Variants in PRKG1 observed in about 807,000 individuals in gnomAD.
The protein encoded by PRKG1 is protein kinase cGMP-dependent 1.
Under a neutral mutation model 88.1 loss-of-function variants are expected in PRKG1, and 35 were observed. That is an observed-to-expected ratio of 0.40 (90% CI 0.30 to 0.53). PRKG1 has a LOEUF of 0.53. Among genes scored for constraint, PRKG1 ranks in the 20% least tolerant of loss-of-function variants. The pLI is 0.59. For missense variants in PRKG1, 540 were observed against 839.8 expected (o/e 0.64, Z 4.41); for synonymous variants, 303 against 292.5 (o/e 1.04, Z -0.37).
intron 2 of PRKG1, among the ~76,000 whole-genome samples, chr10:51,325,099 G>A (rs1301495753): frequency 1.3e-5 from 2 of 152,048 alleles, no homozygotes; most frequent in Non-Finnish European, 2.9e-5. Context: ...TCTGTTTGTG[G>A]TTTTAATTTG....
At chr10:51,966,193 T>TA (rs1843563103) in intron 5 of PRKG1, among the ~76,000 whole-genome samples, 1 of 152,176 alleles carries the variant, frequency 6.6e-6, no homozygotes, top group Admixed American at 6.6e-5. Flanking sequence ...CATAAGCTGA[T>TA]TAGCAAATAC....
chr10:51,152,568 T>A (rs1846099935), intron 1 of PRKG1, among the ~76,000 whole-genome samples: 1 of 152,084 alleles, frequency 6.6e-6, no homozygotes, highest in Non-Finnish European at 1.5e-5. Context: ...GGTATTTTTT[T>A]AAATACTATT....
chr10:52,232,710 A>G (rs1449112486), intron 9 of PRKG1, among the ~76,000 whole-genome samples: 1 of 152,152 alleles, frequency 6.6e-6, no homozygotes, highest in African/African-American at 2.4e-5. Flanking sequence ...GCTTCTGTTC[A>G]GGAGGGACAA....
chr10:52,169,229 G>A (rs1310256267), intron 9 of PRKG1, among the ~76,000 whole-genome samples: 1 of 152,178 alleles, frequency 6.6e-6, no homozygotes, highest in Non-Finnish European at 1.5e-5. Context: ...GTTTTAGTTT[G>A]TTCAGGCTGC....
At chr10:51,031,728 G>T (rs1020185189) in intron 1 of PRKG1, among the ~76,000 whole-genome samples, 1 of 152,168 alleles carries the variant, frequency 6.6e-6, no homozygotes, top group Non-Finnish European at 1.5e-5. Flanking sequence ...CCAGTATGTG[G>T]TCAAAATGCA....
intron 1 of PRKG1, among the ~76,000 whole-genome samples, chr10:51,025,966 C>T (rs755034959): frequency 6.6e-6 from 1 of 152,032 alleles, no homozygotes; most frequent in Non-Finnish European, 1.5e-5. Flanking sequence ...GTAGGATGGG[C>T]CCCTAATCTA....
intron 10 of PRKG1, among the ~76,000 whole-genome samples, chr10:52,262,265 TTTTG>T (rs1260671750): frequency 6.6e-6 from 1 of 152,032 alleles, no homozygotes; most frequent in Non-Finnish European, 1.5e-5. Flanking sequence ...AGCTGGTTTT[TTTTG>T]TTTGTTTGTT....
At chr10:51,853,823 C>G (rs1840616063) in intron 4 of PRKG1, among the ~76,000 whole-genome samples, 1 of 152,146 alleles carries the variant, frequency 6.6e-6, no homozygotes, top group Non-Finnish European at 1.5e-5. Context: ...GTACTAAACA[C>G]TTTTCCACAG....
chr10:51,066,376 A>G (rs1426292211), intron 1 of PRKG1, among the ~76,000 whole-genome samples: 1 of 152,024 alleles, frequency 6.6e-6, no homozygotes, highest in African/African-American at 2.4e-5. Flanking sequence ...GTTTTCTGTC[A>G]TGTCATTGGC....
intron 4 of PRKG1, among the ~76,000 whole-genome samples, chr10:51,830,205 A>AAC (rs1252158839): frequency 1.3e-5 from 2 of 152,144 alleles, no homozygotes; most frequent in Admixed American, 6.6e-5. Flanking sequence ...TCCACCATAT[A>AAC]ACAGCTCTTC....
intron 2 of PRKG1, among the ~76,000 whole-genome samples, chr10:51,161,402 G>A (rs1017466091): frequency 7.2e-5 from 11 of 152,084 alleles, no homozygotes; most frequent in African/African-American, 1.9e-4. Flanking sequence ...TGGTTAATAC[G>A]TCCTTGTGAA....
At chr10:51,477,894 T>C (rs1035666972) in intron 3 of PRKG1, among the ~76,000 whole-genome samples, 1 of 152,068 alleles carries the variant, frequency 6.6e-6, no homozygotes, top group East Asian at 1.9e-4. Context: ...TTGGTTCATA[T>C]GCATGCTTTG....
At chr10:52,063,319 G>T (rs756614103) in intron 7 of PRKG1, among the ~76,000 whole-genome samples, 2 of 152,186 alleles carry the variant, frequency 1.3e-5, no homozygotes, top group Non-Finnish European at 2.9e-5. Flanking sequence ...GGCTGCGGCC[G>T]AACCAGGCAC....
intron 5 of PRKG1, among the ~76,000 whole-genome samples, chr10:51,970,223 T>C (rs1219922384): frequency 6.6e-6 from 1 of 151,982 alleles, no homozygotes; most frequent in Non-Finnish European, 1.5e-5. Context: ...TATAATGCTT[T>C]TCAATTTTGA....
chr10:51,268,213 G>T (rs1054103364), intron 2 of PRKG1, among the ~76,000 whole-genome samples: 4 of 152,252 alleles, frequency 2.6e-5, no homozygotes, highest in Admixed American at 6.5e-5. Flanking sequence ...GAGATCACAG[G>T]ACCACAGGAC....
chr10:51,752,673 T>G (rs1837756992), intron 3 of PRKG1, among the ~76,000 whole-genome samples: 1 of 152,162 alleles, frequency 6.6e-6, no homozygotes, highest in South Asian at 2.1e-4. Context: ...TACCGTTTGT[T>G]TTGTTTCATT....
chr10:52,147,038 G>T (rs1948837), intron 8 of PRKG1, among the ~76,000 whole-genome samples: 135,690 of 152,194 alleles, frequency 0.89, 61,103 homozygotes, highest in Middle Eastern at 0.97. Context: ...ACTTAATTAT[G>T]GACAGAATCT....
chr10:51,473,526 G>A (rs754594897), intron 3 of PRKG1, among the ~76,000 whole-genome samples: 10 of 151,742 alleles, frequency 6.6e-5, no homozygotes, highest in Non-Finnish European at 1.3e-4. Flanking sequence ...ATACATTAGC[G>A]GTGCTTCTGA....
chr10:52,287,423 AC>A (rs1294923183), intron 14 of PRKG1, among the ~76,000 whole-genome samples: 2 of 152,030 alleles, frequency 1.3e-5, no homozygotes, highest in East Asian at 3.9e-4. Flanking sequence ...ACTACTCCTT[AC>A]TTTAAATTAC....
Sources: gnomAD v4.1 joint callset for allele counts (sites outside exome capture counted in the v4.1 genomes callset) on GRCh38, gnomAD v4.1.1 for gene constraint, MANE v1.5 for transcripts, NCBI Gene and HGNC (gene_info 2026-07-23, HGNC 2026-07-21) for gene names.